NSMCE2: variants seen among roughly 807,000 people sequenced by gnomAD.
NSMCE2 encodes the protein NSE2 SUMO ligase component of SMC5/6 complex.
NSMCE2 carries 24 observed loss-of-function variants against 23.8 expected under a neutral mutation model. That is an observed-to-expected ratio of 1.01 (90% CI 0.73 to 1.42). The LOEUF (loss-of-function observed/expected upper bound fraction) is 1.42, where lower values mean the gene tolerates loss of function less well. Among genes scored for constraint, NSMCE2 ranks in the 40% most tolerant of loss-of-function variants. NSMCE2 has a pLI of 0.00. For missense variants in NSMCE2, 284 were observed against 296.5 expected, an observed-to-expected ratio of 0.96 and a Z score of 0.31; for synonymous variants, 92 against 94.1, an observed-to-expected ratio of 0.98 and a Z score of 0.13.
At chr8:125,341,634 A>G (rs538094865) in intron 5 of NSMCE2, among the ~76,000 whole-genome samples, 2 of 152,216 alleles carry the variant, frequency 1.3e-5, no homozygotes, top group Non-Finnish European at 2.9e-5. Flanking sequence ...CAGTATCCTA[A>G]TGATACAGAG....
intron 5 of NSMCE2, among the ~76,000 whole-genome samples, chr8:125,301,777 C>T (rs939305173): frequency 3.3e-5 from 5 of 151,752 alleles, no homozygotes; most frequent in East Asian, 1.9e-4. Flanking sequence ...ATTCTCCTGC[C>T]GCAGCCTCCC....
chr8:125,115,241 C>T (rs977113875), intron 3 of NSMCE2, among the ~76,000 whole-genome samples: 1 of 152,206 alleles, frequency 6.6e-6, no homozygotes, highest in Non-Finnish European at 1.5e-5. Context: ...AGACCCTCCC[C>T]AACAGCTGGA....
chr8:125,154,894 C>A (rs147207689), intron 4 of NSMCE2, among the ~76,000 whole-genome samples: 1 of 152,096 alleles, frequency 6.6e-6, no homozygotes, highest in Non-Finnish European at 1.5e-5. Context: ...TTGCTTTCTA[C>A]GCTTTTATTA....
chr8:125,220,157 A>G (rs1250818986), intron 5 of NSMCE2, among the ~76,000 whole-genome samples: 1 of 152,202 alleles, frequency 6.6e-6, no homozygotes, highest in African/African-American at 2.4e-5. Flanking sequence ...ACTGTGGGAA[A>G]ACCTATGAAG....
intron 3 of NSMCE2, among the ~76,000 whole-genome samples, chr8:125,115,969 T>C (rs1354799434): frequency 6.6e-6 from 1 of 152,190 alleles, no homozygotes; most frequent in Non-Finnish European, 1.5e-5. Context: ...GCTCATTGAA[T>C]TGAAACAACT....
At chr8:125,247,497 G>A (rs919989818) in intron 5 of NSMCE2, among the ~76,000 whole-genome samples, 4 of 152,158 alleles carry the variant, frequency 2.6e-5, no homozygotes, top group Admixed American at 1.3e-4. Context: ...GCCCAAGGCC[G>A]GTGGATTACC....
At position 125,224,266 on chromosome 8, in the gene NSMCE2, T is replaced by G. The variant is rs1481687992; in HGVS notation, c.418+42010T>G. ...TTTCCTCCCAACCCGTGAATTGTCT[T>G]TTCATTCTGTTGTTTCCTTTACTAT... On this transcript the variant is annotated intron_variant, in intron 5 of 7. Transcript: ENST00000287437. 2.0e-5 allele frequency among the ~76,000 whole-genome samples: 3 copies of G among 152,238 alleles called. No individual in the cohort carries two copies. In the East Asian group the frequency reaches 5.8e-4, roughly 29 times the overall value.
intron 5 of NSMCE2, among the ~76,000 whole-genome samples, chr8:125,215,032 TTTTATTTTATTTA>T (rs958466694): frequency 8.9e-6 from 1 of 112,314 alleles, no homozygotes. Context: ...TTTTATTTTA[TTTTATTTTATTTA>T]TTATTATTAT....
intron 4 of NSMCE2, among the ~76,000 whole-genome samples, chr8:125,180,296 A>C (rs1295645219): frequency 1.3e-5 from 2 of 152,196 alleles, no homozygotes; most frequent in East Asian, 3.8e-4. Flanking sequence ...AATTACATAT[A>C]ACACTTGTCA....
At chr8:125,354,490 A>G (rs1813170260) in intron 5 of NSMCE2, among the ~76,000 whole-genome samples, 1 of 152,196 alleles carries the variant, frequency 6.6e-6, no homozygotes, top group Non-Finnish European at 1.5e-5. Context: ...TAATTTCAGT[A>G]CTATTGTTAT....
intron 5 of NSMCE2, among the ~76,000 whole-genome samples, chr8:125,243,609 A>G (rs971277738): frequency 6.6e-6 from 1 of 152,158 alleles, no homozygotes; most frequent in African/African-American, 2.4e-5. Context: ...ATAGAAAGTA[A>G]TGATGATTCA....
At chr8:125,214,373 C>T (rs542257148) in intron 5 of NSMCE2, among the ~76,000 whole-genome samples, 3 of 152,250 alleles carry the variant, frequency 2.0e-5, no homozygotes, top group Non-Finnish European at 4.4e-5. Flanking sequence ...CAGGTCCAAG[C>T]CTCTAAGACC....
At chr8:125,094,940 A>G (rs1378646927) in intron 1 of NSMCE2, among the ~76,000 whole-genome samples, 1 of 152,048 alleles carries the variant, frequency 6.6e-6, no homozygotes, top group Non-Finnish European at 1.5e-5. Flanking sequence ...TGCAACCTCA[A>G]CCTCCCGGCT....
chr8:125,144,087 A>G (rs1011131259), intron 3 of NSMCE2, among the ~76,000 whole-genome samples: 3 of 152,178 alleles, frequency 2.0e-5, no homozygotes, highest in African/African-American at 7.2e-5. Flanking sequence ...GATTCATTAA[A>G]GGCAGTTCTA....
intron 4 of NSMCE2, among the ~76,000 whole-genome samples, chr8:125,157,294 A>G (rs1821375800): frequency 6.6e-6 from 1 of 152,142 alleles, no homozygotes; most frequent in South Asian, 2.1e-4. Flanking sequence ...TAGGAGACTC[A>G]CCTCTTCTCT....
chr8:125,232,178 T>A (rs1339711026), intron 5 of NSMCE2, among the ~76,000 whole-genome samples: 2 of 151,926 alleles, frequency 1.3e-5, no homozygotes, highest in Non-Finnish European at 2.9e-5. Context: ...CTGACCAACA[T>A]GGAGAAATCC....
intron 5 of NSMCE2, among the ~76,000 whole-genome samples, chr8:125,237,272 T>C (rs1007126954): frequency 6.6e-6 from 1 of 152,150 alleles, no homozygotes. Flanking sequence ...ATAAAGACTC[T>C]TTGGGGAGTA....
At chr8:125,134,810 C>T (rs1016701309) in intron 3 of NSMCE2, among the ~76,000 whole-genome samples, 1 of 151,146 alleles carries the variant, frequency 6.6e-6, no homozygotes, top group Non-Finnish European at 1.5e-5. Flanking sequence ...TCACTGCAGC[C>T]TCTACCTCCT....
At chr8:125,346,280 TG>T (rs1196421260) in intron 5 of NSMCE2, among the ~76,000 whole-genome samples, 1 of 152,076 alleles carries the variant, frequency 6.6e-6, no homozygotes, top group Non-Finnish European at 1.5e-5. Context: ...TTGGAAATGT[TG>T]GGGGTTTGAA....
Sources: gnomAD v4.1 joint callset for allele counts (sites outside exome capture counted in the v4.1 genomes callset) on GRCh38, gnomAD v4.1.1 for gene constraint, MANE v1.5 for transcripts, NCBI Gene and HGNC (gene_info 2026-07-23, HGNC 2026-07-21) for gene names.